The following ZSCAN25 variants were observed in gnomAD, a reference collection of about 807,000 sequenced individuals.
ZSCAN25 encodes zinc finger and SCAN domain-containing protein 25.
In ZSCAN25, 27 loss-of-function variants were observed where a neutral mutation model predicts 38.7. That is an observed-to-expected ratio of 0.70 (90% CI 0.51 to 0.96). ZSCAN25 has a LOEUF of 0.96. ZSCAN25 is among the 40% of genes least tolerant of loss of function. The probability of loss-of-function intolerance (pLI) is 0.00; values close to 1 mark genes in which losing one functional copy is unlikely to be tolerated. For synonymous variants in ZSCAN25, 273 were observed against 277.7 expected (o/e 0.98, Z 0.17); for missense variants, 637 against 705.9 (o/e 0.90, Z 1.11).
chr7:99,640,129 C>T, the ZSCAN25 span, among the ~76,000 whole-genome samples: 1 of 152,168 alleles, frequency 6.6e-6, no homozygotes, highest in Non-Finnish European at 1.5e-5. Flanking sequence ...CCAAACTCTT[C>T]GTTTTCTTCC....
At chr7:99,705,430 A>C in the ZSCAN25 span, 10 of 1,534,674 alleles carry the variant, frequency 6.5e-6, no homozygotes, top group Non-Finnish European at 9.0e-6. Context: ...CTATTTGTAA[A>C]GTAATTTGAG....
chr7:99,732,647 A>C, the ZSCAN25 span, among the ~76,000 whole-genome samples: 1 of 152,164 alleles, frequency 6.6e-6, no homozygotes, highest in African/African-American at 2.4e-5. Flanking sequence ...GGGGTGGAAG[A>C]CTGGATGAAG....
At chr7:99,664,252 C>T in the ZSCAN25 span, among the ~76,000 whole-genome samples, 3 of 152,178 alleles carry the variant, frequency 2.0e-5, no homozygotes, top group Non-Finnish European at 2.9e-5. Flanking sequence ...TTCAGGCCGG[C>T]GACTGAGCAA....
At chr7:99,637,577 C>T in the ZSCAN25 span, among the ~76,000 whole-genome samples, 1 of 152,262 alleles carries the variant, frequency 6.6e-6, no homozygotes, top group South Asian at 2.1e-4. Flanking sequence ...GCTGACATTT[C>T]AGAGAACTTC....
chr7:99,664,662 G>C, the ZSCAN25 span, among the ~76,000 whole-genome samples: 1 of 152,058 alleles, frequency 6.6e-6, no homozygotes, highest in African/African-American at 2.4e-5. Flanking sequence ...CCAAAACACA[G>C]GATGTAGCCA....
At chr7:99,692,817 G>C in the ZSCAN25 span, among the ~76,000 whole-genome samples, 1 of 152,174 alleles carries the variant, frequency 6.6e-6, no homozygotes, top group Admixed American at 6.5e-5. Context: ...AAGGTTGTTA[G>C]CTATCTTGTG....
At chr7:99,699,913 A>G in the ZSCAN25 span, 1 of 1,216,488 alleles carries the variant, frequency 8.2e-7, no homozygotes, top group Admixed American at 1.7e-5. Context: ...GGGCCTGAGT[A>G]GCACCCCAAG....
intron 5 of ZSCAN25, 55 bp from the exon 6 acceptor site, chr7:99,622,494 C>T: frequency 6.5e-7 from 1 of 1,533,448 alleles, no homozygotes; most frequent in Admixed American, 1.7e-5. Context: ...AACGAGCTAA[C>T]AGCATAACAT....
the ZSCAN25 span, chr7:99,658,777 C>A: frequency 6.6e-6 from 1 of 152,038 alleles, no homozygotes; most frequent in Non-Finnish European, 1.5e-5. Flanking sequence ...GGCTTTGTTC[C>A]TTTCTTTTTA....
the ZSCAN25 span, chr7:99,685,152 T>TA: frequency 1.9e-6 from 3 of 1,605,192 alleles, no homozygotes; most frequent in Non-Finnish European, 8.5e-7. Flanking sequence ...AGGTTCCACT[T>TA]ACGGTCCCAT....
the ZSCAN25 span, among the ~76,000 whole-genome samples, chr7:99,648,588 A>T: frequency 6.6e-6 from 1 of 152,094 alleles, no homozygotes; most frequent in African/African-American, 2.4e-5. Flanking sequence ...AAAAGCACTC[A>T]CCATCCATCG....
the ZSCAN25 span, among the ~76,000 whole-genome samples, chr7:99,700,983 C>G: frequency 6.6e-6 from 1 of 152,196 alleles, no homozygotes; most frequent in Admixed American, 6.5e-5. Flanking sequence ...AAGAGACTTA[C>G]CTGTTGAGAG....
chr7:99,647,440 T>C, the ZSCAN25 span: 1 of 944,182 alleles, frequency 1.1e-6, no homozygotes, highest in Non-Finnish European at 1.3e-6. Context: ...TGCTGCCCAA[T>C]CAACTGACGA....
At chr7:99,705,628 T>C in the ZSCAN25 span, 1 of 1,609,882 alleles carries the variant, frequency 6.2e-7, no homozygotes, top group Non-Finnish European at 8.5e-7. Flanking sequence ...TTGAGAAGCA[T>C]TAAATAAAGC....
At chr7:99,695,405 C>T in the ZSCAN25 span, among the ~76,000 whole-genome samples, 1 of 152,148 alleles carries the variant, frequency 6.6e-6, no homozygotes. Context: ...TTTTCCTACT[C>T]TTAATACTAA....
chr7:99,735,310 T>A, the ZSCAN25 span: 2 of 585,282 alleles, frequency 3.4e-6, no homozygotes. Flanking sequence ...CTTCTCCACC[T>A]CGGCAGTTGG....
the ZSCAN25 span, chr7:99,710,756 T>C: frequency 5.0e-6 from 8 of 1,613,948 alleles, no homozygotes; most frequent in Non-Finnish European, 6.8e-6. Flanking sequence ...CTGTATCAAT[T>C]TCCTTCTGCA....
the ZSCAN25 span, chr7:99,671,704 A>G: frequency 1.6e-5 from 10 of 644,748 alleles, no homozygotes; most frequent in African/African-American, 3.7e-5. Flanking sequence ...CAAAAGAACA[A>G]TCCATAAAAG....
At chr7:99,679,185 C>T in the ZSCAN25 span, among the ~76,000 whole-genome samples, 3 of 152,236 alleles carry the variant, frequency 2.0e-5, no homozygotes, top group Middle Eastern at 3.4e-3. Context: ...GATAAACCAT[C>T]CTGTGTATGA....
Sources: gnomAD v4.1 joint callset for allele counts (sites outside exome capture counted in the v4.1 genomes callset) on GRCh38, gnomAD v4.1.1 for gene constraint, MANE v1.5 for transcripts, NCBI Gene and HGNC (gene_info 2026-07-23, HGNC 2026-07-21) for gene names.